The following PNPLA7 variants were observed in gnomAD, a reference collection of about 807,000 sequenced individuals.
PNPLA7 encodes the protein patatin like domain 7, lysophospholipase, also known as patatin-like phospholipase domain-containing protein 7.
Under a neutral mutation model 161.7 loss-of-function variants are expected in PNPLA7, and 153 were observed. That is an observed-to-expected ratio of 0.95 (90% confidence interval 0.83 to 1.08). The LOEUF (loss-of-function observed/expected upper bound fraction) is 1.08, where lower values mean the gene tolerates loss of function less well. PNPLA7 is among the 50% of genes least tolerant of loss of function. PNPLA7 has a pLI of 0.00. For synonymous variants in PNPLA7, 809 were observed against 782.1 expected (o/e 1.03, Z -0.57); for missense variants, 1,739 against 1,856.6 (o/e 0.94, Z 1.16).
Position 137,505,953 on chromosome 9 carries a change from C to T in PNPLA7, c.1326+30G>A, listed in dbSNP as rs541447385. 375 of 1,584,376 alleles carry T rather than the reference C, an allele frequency of 2.4e-4. 6 individuals carry two copies. The South Asian group carries it at 4.0e-3, about 17-fold the overall frequency. The stretch of plus-strand genomic sequence containing the variant: ...GCCACGGAGAGGGTGGGGCCCCAGG[C>T]GGAGGGTGAGAATGACAGCCAGGGC... On this transcript the variant is annotated intron_variant, in intron 13 of 34. Coordinates refer to ENST00000406427, the MANE Select transcript of PNPLA7 (RefSeq NM_001098537.3).
At chr9:137,519,821 G>C in intron 11 of PNPLA7, 96 bp downstream of exon 11, 1 of 1,492,572 alleles carries the variant, frequency 6.7e-7, no homozygotes, top group Middle Eastern at 2.3e-4. Context: ...GTGGCCTCAG[G>C]CATGTGCAAG....
Position 137,497,275 on chromosome 9 carries a change from A to G in PNPLA7, c.1925T>C (p.Leu642Pro). The G allele has an allele frequency of 1.3e-6, 2 of 1,588,250 alleles. No homozygotes were observed. Among genetic ancestry groups the G allele is most frequent in the Non-Finnish European group, 1.7e-6 (2 of 1,168,090 alleles). The change falls in exon 18 of 35, where the codon CTC becomes CCC. Residue 642 changes from leucine (L) to proline (P), a missense_variant. By Grantham distance (98) the Leu-to-Pro change is moderately conservative. Around this residue, in one of 6 missense-constraint regions of PNPLA7, gnomAD observed 481 missense variants for 450.0 expected, o/e 1.07. Transcript: ENST00000406427. ...GDKSDCTYIMLSGRLRSVIRK... is the reference protein window; with the variant it reads ...GDKSDCTYIMPSGRLRSVIRK... ...GATCACAGAGCGCAGCCGGCCGCTG[A>G]GCATGATGTACGTGCAGTCGGACTT...
intron 29 of PNPLA7, 79 bp downstream of exon 29, chr9:137,463,336 G>A: frequency 1.6e-6 from 2 of 1,259,898 alleles, no homozygotes; most frequent in Non-Finnish European, 2.2e-6. Flanking sequence ...TGGAGCGGAG[G>A]CAGCTGTGGC....
chr9:137,516,374 T>C (rs1160298629), intron 11 of PNPLA7: 2 of 984,840 alleles, frequency 2.0e-6, no homozygotes, highest in Non-Finnish European at 2.4e-6. Flanking sequence ...GCCTGGACAC[T>C]GTCCTTACCT....
At position 137,464,097 on chromosome 9, in the gene PNPLA7, C is replaced by A. The variant is rs200458696; in HGVS notation, c.3226+29G>T. On this transcript the variant is annotated intron_variant, in intron 28 of 34. Transcript: ENST00000406427. ...CCCCTGCCCACACCTCGCACCCAAG[C>A]GGCCGCCCTGCGCAGCAGGAGTGCT... The A allele has an allele frequency of 6.2e-6, 10 of 1,608,384 alleles. No homozygotes were observed. The Admixed American group carries it at 1.5e-4, about 24-fold the overall frequency.
chr9:137,464,160 G>A lies in PNPLA7; in HGVS notation c.3192C>T (p.Asp1064=), dbSNP rs780582226. 13 of 1,613,732 alleles carry A rather than the reference G, an allele frequency of 8.1e-6. No homozygotes were observed. Among genetic ancestry groups the A allele is most frequent in the South Asian group, 1.1e-5 (1 of 91,086 alleles). The change falls in exon 28 of 35, where the codon GAC becomes GAT. Residue 1064 remains aspartate (D), a synonymous_variant. Transcript: ENST00000406427. ...LWIPYFAITT[D]ITASAMRVHT... ...GGACCCGCATGGCCGAGGCTGTGAT[G>A]TCGGTGGTGATGGCGAAATAAGGAA... is the stretch of plus-strand genomic sequence containing the variant.
At chr9:137,513,943 C>G (rs138402273) in intron 12 of PNPLA7, among the ~76,000 whole-genome samples, 1 of 152,264 alleles carries the variant, frequency 6.6e-6, no homozygotes, top group South Asian at 2.1e-4. Context: ...CGGTGACCTG[C>G]GGGTGGCAGA....
intron 17 of PNPLA7, among the ~76,000 whole-genome samples, chr9:137,497,805 G>A (rs758887987): frequency 1.3e-5 from 2 of 152,386 alleles, no homozygotes; most frequent in Non-Finnish European, 2.9e-5. Flanking sequence ...GGGATGACAC[G>A]CGTGAGCCAC....
At chr9:137,514,269 G>A (rs1272998644) in intron 12 of PNPLA7, among the ~76,000 whole-genome samples, 1 of 144,196 alleles carries the variant, frequency 6.9e-6, no homozygotes, top group Non-Finnish European at 1.5e-5. Flanking sequence ...TCACCTGGCT[G>A]TTGAGATGCC....
chr9:137,473,038 G>A (rs951405470), intron 25 of PNPLA7, among the ~76,000 whole-genome samples: 2 of 152,196 alleles, frequency 1.3e-5, no homozygotes, highest in Non-Finnish European at 2.9e-5. Flanking sequence ...GGTGAAGGAG[G>A]AGCAGAGGCA....
At chr9:137,529,901 C>T (rs1224482091) in intron 8 of PNPLA7, among the ~76,000 whole-genome samples, 2 of 152,032 alleles carry the variant, frequency 1.3e-5, no homozygotes, top group Admixed American at 6.5e-5. Context: ...TCATGTGATC[C>T]GCCCGCCTCA....
intron 18 of PNPLA7, among the ~76,000 whole-genome samples, chr9:137,496,103 A>G (rs1219439237): frequency 7.2e-6 from 1 of 139,830 alleles, no homozygotes; most frequent in African/African-American, 2.6e-5. Flanking sequence ...CTCCCCACAC[A>G]CTGTTTTTTT....
At chr9:137,477,138 G>T (rs553829976) in intron 25 of PNPLA7, among the ~76,000 whole-genome samples, 6 of 152,240 alleles carry the variant, frequency 3.9e-5, no homozygotes, top group Non-Finnish European at 7.3e-5. Context: ...TGGGGGCAGC[G>T]GTAGGAGGCT....
chr9:137,514,997 C>T (rs1224975796), intron 12 of PNPLA7, among the ~76,000 whole-genome samples: 2 of 152,114 alleles, frequency 1.3e-5, no homozygotes, highest in African/African-American at 2.4e-5. Context: ...GGGAGGCACA[C>T]GTCAGCAGGG....
intron 7 of PNPLA7, 102 bp downstream of exon 7, chr9:137,542,540 T>G: frequency 7.8e-7 from 1 of 1,287,324 alleles, no homozygotes; most frequent in South Asian, 1.7e-5. Context: ...AAAATCAAAA[T>G]TTTGCCTAGC....
Position 137,543,014 on chromosome 9 carries a change from AC to A in PNPLA7, c.507-214del, listed in dbSNP as rs1432418237. ...AGCCTGTTTTCCATCACCTCAGAGA[AC>A]TTCTTGACCCGTGAACCTGAGCCAC... On this transcript the variant is annotated intron_variant, in intron 6 of 34. Transcript: ENST00000406427. The surrounding 1 kb of genome is among the most constrained non-coding windows in gnomAD (Gnocchi z 6.9). Among the ~76,000 whole-genome samples the A allele has an allele frequency of 6.6e-6, 1 of 152,164 alleles. No homozygotes were observed. The highest frequency in any genetic ancestry group is 1.5e-5 in the Non-Finnish European group (1 of 68,016).
In PNPLA7 at chr9:137,540,536, G is replaced by T; in HGVS notation, c.747+106C>A. 1.0e-6 allele frequency: 1 copy of T among 1,000,372 alleles called. No homozygotes were observed. The highest frequency in any genetic ancestry group is 1.4e-5 in the South Asian group (1 of 71,448). 62.0% of individuals were successfully genotyped at this position (1,000,372 alleles called of 1,614,324 possible). A position where few individuals can be genotyped will look rare whatever the true frequency, so the allele number is the denominator to read the frequency against. The stretch of plus-strand genomic sequence containing the variant: ...AACCCTGCTCCCCTCACATCACTGT[G>T]GAGAACTGGCCTTTAACCACTACCA... On this transcript the variant is annotated intron_variant, in intron 8 of 34. Coordinates refer to ENST00000406427, the MANE Select transcript of PNPLA7 (RefSeq NM_001098537.3). This position sits in a 1 kb window ranked among gnomAD's most constrained non-coding sequence, Gnocchi z 5.1.
At chr9:137,481,228 C>A (rs1282427199) in intron 21 of PNPLA7, among the ~76,000 whole-genome samples, 1 of 152,210 alleles carries the variant, frequency 6.6e-6, no homozygotes, top group Non-Finnish European at 1.5e-5. Flanking sequence ...TCTTCACCTG[C>A]CAGTGGGGAA....
chr9:137,548,854 C>T (rs1012174584), intron 1 of PNPLA7, among the ~76,000 whole-genome samples: 6 of 152,200 alleles, frequency 3.9e-5, no homozygotes, highest in African/African-American at 9.7e-5. Flanking sequence ...CTGAGCCCTT[C>T]GAACTTGGTT....
Sources: gnomAD v4.1 joint callset for allele counts (sites outside exome capture counted in the v4.1 genomes callset) on GRCh38, gnomAD v4.1.1 for gene constraint, gnomAD v4.1.1 regional missense constraint, Gnocchi (gnomAD v3.1) non-coding constraint, MANE v1.5 for transcripts, NCBI Gene and HGNC (gene_info 2026-07-23, HGNC 2026-07-21) for gene names.